Variants in ARL13B observed in about 807,000 individuals in gnomAD.
The protein encoded by ARL13B is ADP-ribosylation factor-like protein 13B.
Under a neutral mutation model 56.1 loss-of-function variants are expected in ARL13B, and 36 were observed. The observed-to-expected ratio is 0.64, with a 90% CI of 0.49 to 0.85. The LOEUF is 0.85. Among genes scored for constraint, ARL13B ranks in the 40% least tolerant of loss-of-function variants. The probability of loss-of-function intolerance (pLI) is 0.00; values close to 1 mark genes in which losing one functional copy is unlikely to be tolerated. For synonymous variants in ARL13B, 178 were observed against 171.1 expected (o/e 1.04, Z -0.32); for missense variants, 519 against 507.1 (o/e 1.02, Z -0.23).
At chr3:94,044,051 A>C (rs2107162513) in intron 7 of ARL13B, among the ~76,000 whole-genome samples, 1 of 152,174 alleles carries the variant, frequency 6.6e-6, no homozygotes, top group Admixed American at 6.5e-5. Context: ...CAAAGTGCTA[A>C]GATTACAGCC....
chr3:94,010,354 G>A (rs1447785911), intron 3 of ARL13B, among the ~76,000 whole-genome samples: 1 of 152,054 alleles, frequency 6.6e-6, no homozygotes, highest in Non-Finnish European at 1.5e-5. Flanking sequence ...GTGTCCAAGT[G>A]TAGAAGAATT....
In ARL13B at chr3:94,049,513, C is replaced by A. The variant is rs770186628; in HGVS notation, c.1132C>A (p.Pro378Thr). 1.9e-6 allele frequency: 3 copies of A among 1,600,514 alleles called. No homozygotes were observed. The highest frequency in any genetic ancestry group is 2.6e-6 in the Non-Finnish European group (3 of 1,169,524). ...APESPTPPPPPPPVGWGTPKV... is the reference protein window; with the variant it reads ...APESPTPPPPTPPVGWGTPKV... ...TGAGAGTCCAACGCCACCCCCACCC[C>A]CTCCTCCTGGTGAGTAAATTGATAC... Residue 378 changes from proline to threonine, a missense_variant, in exon 8 of 10, where the codon CCT becomes ACT. Coordinates refer to ENST00000394222, the MANE Select transcript of ARL13B (RefSeq NM_001174150.2).
chr3:94,045,148 C>G (rs1286936657), intron 7 of ARL13B, among the ~76,000 whole-genome samples: 2 of 152,036 alleles, frequency 1.3e-5, no homozygotes, highest in African/African-American at 2.4e-5. Context: ...AACCTTACCC[C>G]CAACCCTGTG....
chr3:94,022,982 C>G (rs537297185), intron 3 of ARL13B, among the ~76,000 whole-genome samples: 153 of 151,786 alleles, frequency 1.0e-3, no homozygotes, highest in African/African-American at 3.5e-3. Flanking sequence ...TCATTTTATT[C>G]ATCTTTTGAG....
At chr3:94,010,859 TTAA>T (rs1440627283) in intron 3 of ARL13B, among the ~76,000 whole-genome samples, 2 of 152,086 alleles carry the variant, frequency 1.3e-5, no homozygotes, top group Non-Finnish European at 2.9e-5. Flanking sequence ...TAAATAGTAC[TTAA>T]TATTATCAGT....
intron 1 of ARL13B, among the ~76,000 whole-genome samples, chr3:93,993,657 T>C (rs1019062465): frequency 1.3e-5 from 2 of 152,364 alleles, no homozygotes; most frequent in African/African-American, 4.8e-5. Flanking sequence ...GTTTTGGAAG[T>C]TATTTTGTAC....
chr3:94,007,363 TA>T (rs2076152427), intron 3 of ARL13B, among the ~76,000 whole-genome samples: 2 of 152,228 alleles, frequency 1.3e-5, no homozygotes, highest in South Asian at 4.1e-4. Context: ...TACTTGCTCC[TA>T]CACACAAGCC....
At chr3:93,992,277 G>C (rs749492688) in intron 1 of ARL13B, among the ~76,000 whole-genome samples, 3 of 152,088 alleles carry the variant, frequency 2.0e-5, no homozygotes, top group African/African-American at 7.2e-5. Context: ...TGAAAAGGTG[G>C]ATCAGGGAAT....
At chr3:94,007,944 CAG>C (rs1353116290) in intron 3 of ARL13B, among the ~76,000 whole-genome samples, 11 of 152,136 alleles carry the variant, frequency 7.2e-5, no homozygotes, top group Admixed American at 6.5e-5. Context: ...AGGGAGAAGA[CAG>C]AGTCTGGAAC....
chr3:94,049,525 G>C lies in ARL13B; in HGVS notation c.1141+3G>C. On this transcript the variant is annotated splice_donor_region_variant and intron_variant, in intron 8 of 9. Coordinates refer to ENST00000394222, the MANE Select transcript of ARL13B (RefSeq NM_001174150.2). ...GCCACCCCCACCCCCTCCTCCTGGT[G>C]AGTAAATTGATACTGATACTGAATT... 1 of 1,540,304 alleles carries C rather than the reference G, an allele frequency of 6.5e-7. No homozygotes were observed. Among genetic ancestry groups the C allele is most frequent in the Non-Finnish European group, 8.9e-7 (1 of 1,121,492 alleles).
At chr3:94,000,441 G>A (rs922928884) in intron 2 of ARL13B, among the ~76,000 whole-genome samples, 7 of 151,938 alleles carry the variant, frequency 4.6e-5, no homozygotes, top group Non-Finnish European at 7.4e-5. Context: ...TTCCTAATAG[G>A]GAACTATTGT....
At chr3:94,012,964 T>G (rs2107477021) in intron 3 of ARL13B, among the ~76,000 whole-genome samples, 1 of 152,306 alleles carries the variant, frequency 6.6e-6, no homozygotes, top group East Asian at 1.9e-4. Flanking sequence ...TTGATTACAC[T>G]TGTGTGAACT....
rs553126505 is a variant in ARL13B at position 94,008,488 on chromosome 3, A to G, written c.380+4580A>G. Among the ~76,000 whole-genome samples the G allele has an allele frequency of 5.3e-5, 8 of 152,334 alleles. No homozygotes were observed. The South Asian group carries it at 1.7e-3, about 32-fold the overall frequency. On this transcript the variant is annotated intron_variant, in intron 3 of 9. Transcript: ENST00000394222. ...ATACCAAATTTTAAGCTCAACATCC[A>G]GTATAGACATTTTCCATTAATAGTA...
intron 3 of ARL13B, among the ~76,000 whole-genome samples, chr3:94,007,041 A>T (rs2076147266): frequency 6.6e-6 from 1 of 152,138 alleles, no homozygotes; most frequent in African/African-American, 2.4e-5. Flanking sequence ...GACCACTCAT[A>T]TGCCAAATAT....
intron 3 of ARL13B, among the ~76,000 whole-genome samples, chr3:94,018,875 C>T (rs2076389244): frequency 6.6e-6 from 1 of 152,002 alleles, no homozygotes; most frequent in South Asian, 2.1e-4. Flanking sequence ...AAGCAATTCT[C>T]CTGCCTCAGC....
intron 2 of ARL13B, among the ~76,000 whole-genome samples, chr3:94,000,270 T>C (rs1298845013): frequency 1.3e-5 from 2 of 152,178 alleles, no homozygotes; most frequent in Non-Finnish European, 2.9e-5. Context: ...CATACATGTA[T>C]CAGGGTTCTT....
At chr3:94,015,574 G>GT (rs917083430) in intron 3 of ARL13B, among the ~76,000 whole-genome samples, 40 of 151,438 alleles carry the variant, frequency 2.6e-4, no homozygotes, top group South Asian at 1.0e-3. Context: ...TCACATGATA[G>GT]TTTTTTTTTG....
chr3:93,982,875 T>C (rs1284321541), intron 1 of ARL13B, among the ~76,000 whole-genome samples: 1 of 152,254 alleles, frequency 6.6e-6, no homozygotes, highest in Admixed American at 6.5e-5. Flanking sequence ...TAGTTCCATT[T>C]ATTTTACTGG....
At chr3:93,993,185 G>A (rs1374411931) in intron 1 of ARL13B, among the ~76,000 whole-genome samples, 2 of 151,992 alleles carry the variant, frequency 1.3e-5, no homozygotes, top group African/African-American at 2.4e-5. Flanking sequence ...GGGTGCAGGG[G>A]CGTGATCTCG....
Sources: gnomAD v4.1 joint callset for allele counts (sites outside exome capture counted in the v4.1 genomes callset) on GRCh38, gnomAD v4.1.1 for gene constraint, MANE v1.5 for transcripts, NCBI Gene and HGNC (gene_info 2026-07-23, HGNC 2026-07-21) for gene names.